Variants in SSBP2 observed in about 807,000 individuals in gnomAD.
The protein encoded by SSBP2 is single stranded DNA binding protein 2, also known as single-stranded DNA-binding protein 2.
A neutral mutation model predicts 61.8 loss-of-function variants in SSBP2; 17 were observed. The ratio of observed to expected loss-of-function variants is 0.28; its 90% CI spans 0.19 to 0.41. The LOEUF is 0.41. SSBP2 is among the 10% of genes least tolerant of loss of function. SSBP2 has a pLI of 1.00. For missense variants in SSBP2, 310 were observed against 458.7 expected, an observed-to-expected ratio of 0.68 and a Z score of 2.96; for synonymous variants, 139 against 141.3, an observed-to-expected ratio of 0.98 and a Z score of 0.12.
At chr5:81,488,572 C>CT (rs1381568069) in intron 6 of SSBP2, among the ~76,000 whole-genome samples, 4 of 151,906 alleles carry the variant, frequency 2.6e-5, no homozygotes, top group African/African-American at 9.7e-5. Flanking sequence ...TTATATTATA[C>CT]TTTAAGTTTT....
At chr5:81,634,694 ATTTCCAACATAATGAATTTC>A (rs937244680) in intron 3 of SSBP2, among the ~76,000 whole-genome samples, 3 of 152,126 alleles carry the variant, frequency 2.0e-5, no homozygotes, top group African/African-American at 7.2e-5. Flanking sequence ...TATCACCTCA[ATTTCCAACATAATGAATTTC>A]TTTCTTTTCT....
chr5:81,656,636 T>A (rs1202938446), intron 1 of SSBP2, among the ~76,000 whole-genome samples: 1 of 151,628 alleles, frequency 6.6e-6, no homozygotes, highest in East Asian at 1.9e-4. Context: ...TATGAAGACC[T>A]ATGAAGATCT....
At chr5:81,617,155 A>C (rs1746153387) in intron 3 of SSBP2, among the ~76,000 whole-genome samples, 1 of 41,646 alleles carries the variant, frequency 2.4e-5, no homozygotes, top group South Asian at 8.4e-4. Flanking sequence ...AATTACTCTG[A>C]GCTACGGGAG....
In SSBP2 at chr5:81,718,840, G is replaced by GT. The variant is rs527509916; in HGVS notation, c.62+32140dup. Among the ~76,000 whole-genome samples the GT allele has an allele frequency of 3.2e-4, 48 of 152,292 alleles. No homozygotes were observed. In the East Asian group the frequency reaches 6.9e-3, roughly 22 times the overall value. On this transcript the variant is annotated intron_variant, in intron 1 of 16. Coordinates refer to ENST00000320672, the MANE Select transcript of SSBP2 (RefSeq NM_012446.5). ...TTAGCTACAAGTAATGCCACTGCAAGTAAGTCTGTAACTTCTTTAACCATG... is the reference window on the plus strand; with the variant it reads ...TTAGCTACAAGTAATGCCACTGCAAGTTAAGTCTGTAACTTCTTTAACCATG...
In SSBP2 at chr5:81,571,979, T is replaced by C. The variant is rs1473820178; in HGVS notation, c.282+43494A>G. Among the ~76,000 whole-genome samples the C allele has an allele frequency of 2.0e-5, 3 of 152,118 alleles. No homozygotes were observed. The East Asian group carries it at 5.8e-4, about 29-fold the overall frequency. ...AACTCTTCTACCTCAGTGAAACTGA[T>C]TAGCTGCCTAATAAAAAAGTTATTA... On this transcript the variant is annotated intron_variant, in intron 4 of 16. Coordinates refer to ENST00000320672, the MANE Select transcript of SSBP2 (RefSeq NM_012446.5).
chr5:81,501,926 T>C (rs572646700), intron 5 of SSBP2, among the ~76,000 whole-genome samples: 12 of 151,594 alleles, frequency 7.9e-5, no homozygotes, highest in African/African-American at 2.9e-4. Flanking sequence ...GAATAGCAGA[T>C]ACTCTTTTCC....
intron 1 of SSBP2, among the ~76,000 whole-genome samples, chr5:81,721,948 T>C (rs1755566357): frequency 1.3e-5 from 2 of 152,022 alleles, no homozygotes; most frequent in South Asian, 2.1e-4. Flanking sequence ...TACTGGTCCA[T>C]TGGGGCACCC....
chr5:81,683,574 A>C (rs1204944989), intron 1 of SSBP2, among the ~76,000 whole-genome samples: 1 of 152,202 alleles, frequency 6.6e-6, no homozygotes, highest in African/African-American at 2.4e-5. Context: ...TGGATATGGC[A>C]ATGACTTTTT....
In SSBP2 at chr5:81,612,174, C is replaced by T. The variant is rs998545132; in HGVS notation, c.282+3299G>A. Among the ~76,000 whole-genome samples the T allele has an allele frequency of 2.0e-5, 3 of 151,968 alleles. No individual in the cohort carries two copies. In the South Asian group the frequency reaches 6.2e-4, roughly 32 times the overall value. ...TTGTATGTCAATCATACCTCAGTAA[C>T]GTGGTTAAAAATAAATTTTAGAATG... is the stretch of plus-strand genomic sequence containing the variant. On this transcript the variant is annotated intron_variant, in intron 4 of 16. Transcript: ENST00000320672.
chr5:81,465,253 A>C (rs947943717), intron 9 of SSBP2, among the ~76,000 whole-genome samples: 4 of 152,026 alleles, frequency 2.6e-5, no homozygotes, highest in Non-Finnish European at 5.9e-5. Context: ...AATATGATGT[A>C]ATTGAAAATA....
rs1761475957 is a variant in SSBP2, at chr5:81,419,596, T to C, written c.*908A>G. 3 of 152,250 alleles carry C rather than the reference T, an allele frequency of 2.0e-5. No individual in the cohort carries two copies. The highest frequency in any genetic ancestry group is 2.0e-4 in the Admixed American group (3 of 15,290). The allele number at this position is 152,250 out of a possible 1,614,324, so 9.4% of individuals were successfully genotyped here. A position where few individuals can be genotyped will look rare whatever the true frequency, so the allele number is the denominator to read the frequency against. On this transcript the variant is annotated 3_prime_UTR_variant, in exon 17 of 17. Transcript: ENST00000320672. ...TTGTTATCACTTTTGGGCTTCATCA[T>C]GTTAAAGAGAAAAGATGTTGCTAAA... is the stretch of plus-strand genomic sequence containing the variant.
At chr5:81,545,425 C>A (rs558217104) in intron 4 of SSBP2, among the ~76,000 whole-genome samples, 10 of 152,020 alleles carry the variant, frequency 6.6e-5, no homozygotes, top group Non-Finnish European at 1.3e-4. Flanking sequence ...TTTTAAAGAA[C>A]AGTAATAGAA....
At chr5:81,478,206 G>A (rs1765721721) in intron 6 of SSBP2, among the ~76,000 whole-genome samples, 1 of 151,962 alleles carries the variant, frequency 6.6e-6, no homozygotes. Flanking sequence ...CAGCTGCCCA[G>A]GCTGCAGTGC....
At chr5:81,475,933 TTGTG>T (rs140660917) in intron 6 of SSBP2, among the ~76,000 whole-genome samples, 2 of 151,882 alleles carry the variant, frequency 1.3e-5, no homozygotes, top group East Asian at 1.9e-4. Context: ...TTATCCCAGA[TTGTG>T]TGTGTGTGCA....
intron 1 of SSBP2, among the ~76,000 whole-genome samples, chr5:81,741,188 G>A (rs1016588103): frequency 1.3e-5 from 2 of 152,194 alleles, no homozygotes; most frequent in African/African-American, 4.8e-5. Context: ...TCTACTTTAC[G>A]AAGTTGCTAT....
chr5:81,420,756 C>T (rs767338212), intron 16 of SSBP2, among the ~76,000 whole-genome samples: 14 of 152,142 alleles, frequency 9.2e-5, no homozygotes, highest in Non-Finnish European at 1.9e-4. Context: ...GCATCAAGTC[C>T]TATCCTCTCC....
intron 1 of SSBP2, among the ~76,000 whole-genome samples, chr5:81,693,757 G>A (rs1315340160): frequency 2.0e-5 from 3 of 152,214 alleles, no homozygotes; most frequent in Non-Finnish European, 2.9e-5. Context: ...AACCACTATA[G>A]AGAATAGTTT....
chr5:81,531,857 G>A (rs1770436834), intron 4 of SSBP2, among the ~76,000 whole-genome samples: 1 of 151,942 alleles, frequency 6.6e-6, no homozygotes, highest in African/African-American at 2.4e-5. Context: ...GAAAGGAAGA[G>A]GGCACCTCTT....
intron 4 of SSBP2, among the ~76,000 whole-genome samples, chr5:81,612,791 A>T (rs1745582192): frequency 6.6e-6 from 1 of 152,044 alleles, no homozygotes; most frequent in Non-Finnish European, 1.5e-5. Context: ...CAGTAGGTAA[A>T]CATATTAATT....
Sources: allele counts gnomAD v4.1 joint callset (sites outside exome capture counted in the v4.1 genomes callset), GRCh38; gene constraint gnomAD v4.1.1; transcripts MANE v1.5; gene names NCBI Gene and HGNC (gene_info 2026-07-23, HGNC 2026-07-21).